The following SLC17A3 variants were observed in gnomAD, a reference collection of about 807,000 sequenced individuals.
SLC17A3 encodes the protein solute carrier family 17 member 3, also known as sodium-dependent phosphate transport protein 4.
A neutral mutation model predicts 60.3 loss-of-function variants in SLC17A3; 61 were observed. The ratio of observed to expected loss-of-function variants is 1.01; its 90% CI spans 0.82 to 1.25. The LOEUF (loss-of-function observed/expected upper bound fraction) is 1.25, where lower values mean the gene tolerates loss of function less well. Among genes scored for constraint, SLC17A3 ranks in the 50% most tolerant of loss-of-function variants. The probability of loss-of-function intolerance (pLI) is 0.00; values close to 1 mark genes in which losing one functional copy is unlikely to be tolerated. For synonymous variants in SLC17A3, 192 were observed against 208.9 expected (o/e 0.92, Z 0.70); for missense variants, 624 against 594.9 (o/e 1.05, Z -0.51).
intron 1 of SLC17A3, among the ~76,000 whole-genome samples, chr6:25,870,662 C>T (rs1282384075): frequency 6.6e-6 from 1 of 152,022 alleles, no homozygotes; most frequent in Non-Finnish European, 1.5e-5. Context: ...GCTGCATCAT[C>T]AACCACTGGC....
At chr6:25,851,609 A>C (rs1416879008) in intron 6 of SLC17A3, among the ~76,000 whole-genome samples, 1 of 152,030 alleles carries the variant, frequency 6.6e-6, no homozygotes, top group Non-Finnish European at 1.5e-5. Flanking sequence ...ATTTTTTTGC[A>C]TGTGGATATC....
chr6:25,859,092 T>G (rs1019072083), intron 5 of SLC17A3, among the ~76,000 whole-genome samples: 30 of 152,202 alleles, frequency 2.0e-4, no homozygotes, highest in Admixed American at 2.6e-4. Context: ...TAAGATGTGT[T>G]GGGTATTGAT....
rs751026114 is a variant in SLC17A3, at chr6:25,861,973, G to A, written c.360C>T (p.Gly120=). 3 of 1,611,990 alleles carry A rather than the reference G, an allele frequency of 1.9e-6. No homozygotes were observed. Among genetic ancestry groups the A allele is most frequent in the Non-Finnish European group, 2.5e-6 (3 of 1,179,124 alleles). ...QIQGIIFGAV[G]YGGILTMAPS... ...GAGCCATTGTCAGTATGCCACCATAGCCAACAGCACCAAAGATGATGCCTT... is the reference window on the plus strand; with the variant it reads ...GAGCCATTGTCAGTATGCCACCATAACCAACAGCACCAAAGATGATGCCTT... The change falls in exon 4 of 13, where the codon GGC becomes GGT. Residue 120 remains glycine, a synonymous_variant. Coordinates refer to ENST00000397060, the MANE Select transcript of SLC17A3 (RefSeq NM_001098486.2).
chr6:25,860,043 A>C (rs1423306137), intron 5 of SLC17A3, among the ~76,000 whole-genome samples: 1 of 152,170 alleles, frequency 6.6e-6, no homozygotes, highest in Non-Finnish European at 1.5e-5. Context: ...TGCTTTATTC[A>C]TACAACATTT....
intron 11 of SLC17A3, among the ~76,000 whole-genome samples, chr6:25,848,323 A>G (rs1435240504): frequency 6.6e-6 from 1 of 152,224 alleles, no homozygotes; most frequent in Non-Finnish European, 1.5e-5. Context: ...GAATATCCAC[A>G]CTGTTTTTCA....
chr6:25,850,446 G>C lies in SLC17A3; in HGVS notation c.993+13C>G, dbSNP rs1765254499. The C allele has an allele frequency of 6.2e-7, 1 of 1,612,850 alleles. No individual in the cohort carries two copies. Among genetic ancestry groups the C allele is most frequent in the East Asian group, 2.2e-5 (1 of 44,858 alleles). ...TGCAAGCAGGAGAAAGGAAGGGAAG[G>C]AAACATACTCACGTCTCTGATGTTA... On this transcript the variant is annotated intron_variant, in intron 8 of 12. Coordinates refer to ENST00000397060, the MANE Select transcript of SLC17A3 (RefSeq NM_001098486.2).
intron 6 of SLC17A3, among the ~76,000 whole-genome samples, chr6:25,851,620 C>T (rs192199952): frequency 1.3e-3 from 197 of 152,138 alleles, no homozygotes; most frequent in African/African-American, 4.5e-3. Context: ...TGTGGATATC[C>T]AATTTTTGAG....
intron 11 of SLC17A3, among the ~76,000 whole-genome samples, chr6:25,848,228 T>C (rs1765211005): frequency 6.6e-6 from 1 of 152,238 alleles, no homozygotes; most frequent in Non-Finnish European, 1.5e-5. Context: ...ATTATCTTTT[T>C]CGTATAATGA....
At chr6:25,869,420 T>C (rs1765602080) in intron 1 of SLC17A3, among the ~76,000 whole-genome samples, 1 of 151,984 alleles carries the variant, frequency 6.6e-6, no homozygotes, top group Non-Finnish European at 1.5e-5. Context: ...TGCCCTGATA[T>C]CATTGTTGCA....
At chr6:25,856,117 A>G (rs1044320880) in intron 5 of SLC17A3, among the ~76,000 whole-genome samples, 1 of 152,244 alleles carries the variant, frequency 6.6e-6, no homozygotes, top group Non-Finnish European at 1.5e-5. Context: ...AAATACTGAC[A>G]AAGTACCTTA....
intron 5 of SLC17A3, among the ~76,000 whole-genome samples, chr6:25,861,174 A>G (rs969028759): frequency 6.6e-6 from 1 of 152,206 alleles, no homozygotes; most frequent in African/African-American, 2.4e-5. Context: ...ATTGTCAGCA[A>G]GAAGTTCTCA....
Position 25,861,840 on chromosome 6 carries a change from T to C in SLC17A3, c.493A>G (p.Ile165Val). The C allele has an allele frequency of 6.2e-7, 1 of 1,613,670 alleles. No individual in the cohort carries two copies. Among genetic ancestry groups the C allele is most frequent in the Non-Finnish European group, 8.5e-7 (1 of 1,179,708 alleles). ...ATTCGAGTTACAATGAGCAAGACTA[T>C]TCCAAAGTCAGTGGCCAGAGGGATG... ...LCIPLATDFGIVLLIVTRIVQ... is the reference protein window; with the variant it reads ...LCIPLATDFGVVLLIVTRIVQ... The change falls in exon 4 of 13, where the codon ATA becomes GTA. Residue 165 changes from isoleucine to valine, a missense_variant. Ile to Val is a conservative substitution (Grantham distance 29). Coordinates refer to ENST00000397060, the MANE Select transcript of SLC17A3 (RefSeq NM_001098486.2).
At chr6:25,867,577 T>C (rs1296578170) in intron 2 of SLC17A3, among the ~76,000 whole-genome samples, 1 of 151,948 alleles carries the variant, frequency 6.6e-6, no homozygotes, top group Non-Finnish European at 1.5e-5. Context: ...CATAAACATC[T>C]AATAACCTAA....
intron 1 of SLC17A3, among the ~76,000 whole-genome samples, chr6:25,872,011 T>C (rs1020970704): frequency 2.6e-5 from 4 of 152,008 alleles, no homozygotes; most frequent in East Asian, 3.9e-4. Flanking sequence ...ACCAACTCAC[T>C]TGGGGCCAAA....
chr6:25,868,614 G>A (rs1765579710), intron 1 of SLC17A3, 194 bp from the exon 2 acceptor site: 1 of 523,554 alleles, frequency 1.9e-6, no homozygotes, highest in East Asian at 3.3e-5. Context: ...TTATTTATTA[G>A]GATCTAGAGT....
intron 2 of SLC17A3, among the ~76,000 whole-genome samples, chr6:25,866,294 A>C (rs1765535293): frequency 6.6e-6 from 1 of 152,054 alleles, no homozygotes; most frequent in South Asian, 2.1e-4. Context: ...AGACCTGAGA[A>C]TGGCCTTCAG....
rs752986681 is a variant in SLC17A3 at position 25,862,254 on chromosome 6, G to A, written c.282C>T (p.Ala94=). Reference sequence around the variant, plus strand: ...TTACCTTTGCAGGAAGACTCTTTGGGGCTTTACTTAGGCCACCAAATGAGT... The same window carrying A: ...TTACCTTTGCAGGAAGACTCTTTGGAGCTTTACTTAGGCCACCAAATGAGT... ...PVDSFGGLSK[A]PKSLPAKAPV... Residue 94 remains alanine, a synonymous_variant, in exon 3 of 13, where the codon GCC becomes GCT. Coordinates refer to ENST00000397060, the MANE Select transcript of SLC17A3 (RefSeq NM_001098486.2). 5 of 1,613,474 alleles carry A rather than the reference G, an allele frequency of 3.1e-6. No homozygotes were observed. The highest frequency in any genetic ancestry group is 4.2e-6 in the Non-Finnish European group (5 of 1,179,572).
chr6:25,862,304 C>A lies in SLC17A3; in HGVS notation c.232G>T (p.Asp78Tyr), dbSNP rs545706751. ...NSTSPQSQLNDSSEVLPVDSF... is the reference protein window; with the variant it reads ...NSTSPQSQLNYSSEVLPVDSF... The stretch of plus-strand genomic sequence containing the variant: ...TCAACAGGCAGCACCTCAGAGGAAT[C>A]ATTGAGCTGGGATTGAGGGCTTGTG... Residue 78 changes from aspartate (D) to tyrosine (Y), a missense_variant, in exon 3 of 13, where the codon GAT becomes TAT. Coordinates refer to ENST00000397060, the MANE Select transcript of SLC17A3 (RefSeq NM_001098486.2). The A allele has an allele frequency of 1.2e-6, 2 of 1,613,858 alleles. No homozygotes were observed. Among genetic ancestry groups the A allele is most frequent in the South Asian group, 2.2e-5 (2 of 91,072 alleles).
At position 25,869,587 on chromosome 6, in the gene SLC17A3, G is replaced by A. The variant is rs183080711; in HGVS notation, c.-33-1167C>T. Among the ~76,000 whole-genome samples, 51 of 151,992 alleles carry A rather than the reference G, an allele frequency of 3.4e-4. No individual in the cohort carries two copies. In the East Asian group the frequency reaches 8.7e-3, roughly 26 times the overall value. On this transcript the variant is annotated intron_variant, in intron 1 of 12. Transcript: ENST00000397060. ...TGGACTCACAGTTTCACACGGCTGCGGAGGCCTCACACTCATGGCAAAAGG... is the reference window on the plus strand; with the variant it reads ...TGGACTCACAGTTTCACACGGCTGCAGAGGCCTCACACTCATGGCAAAAGG...
Sources: allele counts gnomAD v4.1 joint callset (sites outside exome capture counted in the v4.1 genomes callset), GRCh38; gene constraint gnomAD v4.1.1; transcripts MANE v1.5; gene names NCBI Gene and HGNC (gene_info 2026-07-23, HGNC 2026-07-21).